Variants in ZW10 observed in about 807,000 individuals in gnomAD.
ZW10 encodes the protein zw10 kinetochore protein.
ZW10 carries 53 observed loss-of-function variants against 87.8 expected under a neutral mutation model. That is an observed-to-expected ratio of 0.60 (90% CI 0.48 to 0.76). The LOEUF is 0.76. Among genes scored for constraint, ZW10 ranks in the 30% least tolerant of loss-of-function variants. ZW10 has a pLI of 0.00. For missense variants in ZW10, 837 were observed against 923.0 expected, an observed-to-expected ratio of 0.91 and a Z score of 1.21; for synonymous variants, 312 against 329.2, an observed-to-expected ratio of 0.95 and a Z score of 0.57.
Position 113,751,516 on chromosome 11 carries a change from T to C in ZW10, c.926-3096A>G, listed in dbSNP as rs545552199. ...CAGCAAGATATGAAAAAATTAATTT[T>C]TATTACAATGAATAGTGTTTTAGTT... is the stretch of plus-strand genomic sequence containing the variant. On this transcript the variant is annotated intron_variant, in intron 7 of 15. Coordinates refer to ENST00000200135, the MANE Select transcript of ZW10 (RefSeq NM_004724.4). 5.3e-5 allele frequency among the ~76,000 whole-genome samples: 8 copies of C among 152,312 alleles called. No homozygotes were observed. The South Asian group carries it at 6.2e-4, about 12-fold the overall frequency.
chr11:113,751,733 C>T (rs901905750), intron 7 of ZW10, among the ~76,000 whole-genome samples: 1 of 152,064 alleles, frequency 6.6e-6, no homozygotes, highest in Non-Finnish European at 1.5e-5. Flanking sequence ...ATTAGCCGGA[C>T]GTGGTGGCAT....
chr11:113,772,537 G>A (rs1439762497), intron 1 of ZW10, among the ~76,000 whole-genome samples: 1 of 152,158 alleles, frequency 6.6e-6, no homozygotes, highest in Non-Finnish European at 1.5e-5. Context: ...ACAAATACTG[G>A]CAAGGTAACA....
At chr11:113,745,703 T>C (rs923075802) in intron 9 of ZW10, among the ~76,000 whole-genome samples, 3 of 152,208 alleles carry the variant, frequency 2.0e-5, no homozygotes, top group African/African-American at 7.2e-5. Flanking sequence ...GGAAGAATGT[T>C]AGACCTAGTA....
chr11:113,748,453 GA>G (rs1565282992), intron 7 of ZW10, 33 bp from the exon 8 acceptor site: 1 of 1,546,876 alleles, frequency 6.5e-7, no homozygotes, highest in East Asian at 2.3e-5. Flanking sequence ...TTTTAAACAA[GA>G]AACCATTCGC....
At chr11:113,763,871 C>T (rs1334077967) in intron 2 of ZW10, among the ~76,000 whole-genome samples, 2 of 152,084 alleles carry the variant, frequency 1.3e-5, no homozygotes, top group Non-Finnish European at 2.9e-5. Context: ...TAATTAGATC[C>T]CATTTGTCAA....
intron 7 of ZW10, among the ~76,000 whole-genome samples, chr11:113,757,183 G>A (rs535615910): frequency 1.2e-3 from 178 of 151,510 alleles, no homozygotes; most frequent in African/African-American, 4.1e-3. Flanking sequence ...CATGATTTAT[G>A]GAATACAGAA....
intron 10 of ZW10, among the ~76,000 whole-genome samples, 157 bp from the exon 11 acceptor site, chr11:113,741,922 T>C (rs1228506687): frequency 1.3e-5 from 2 of 152,238 alleles, no homozygotes; most frequent in Non-Finnish European, 2.9e-5. Context: ...TTAATCTAGA[T>C]GGAAATATAG....
At chr11:113,759,426 T>C (rs1249342005) in intron 5 of ZW10, among the ~76,000 whole-genome samples, 1 of 152,136 alleles carries the variant, frequency 6.6e-6, no homozygotes, top group Non-Finnish European at 1.5e-5. Flanking sequence ...CACACATATG[T>C]ATATAATGAA....
chr11:113,740,142 T>C (rs1313738496), intron 11 of ZW10, among the ~76,000 whole-genome samples: 1 of 151,948 alleles, frequency 6.6e-6, no homozygotes, highest in Admixed American at 6.6e-5. Flanking sequence ...ATAACTAAGA[T>C]AGTCCTCTTT....
intron 2 of ZW10, among the ~76,000 whole-genome samples, chr11:113,764,836 T>C (rs1311861569): frequency 6.6e-6 from 1 of 152,244 alleles, no homozygotes. Flanking sequence ...AACTATTCTC[T>C]ACTGATTTTC....
At chr11:113,736,243 C>T (rs1319013763) in intron 15 of ZW10, among the ~76,000 whole-genome samples, 1 of 151,934 alleles carries the variant, frequency 6.6e-6, no homozygotes, top group East Asian at 1.9e-4. Context: ...CCACTGCACT[C>T]CAACCTGGGT....
chr11:113,738,518 A>G, intron 12 of ZW10, 124 bp from the exon 13 acceptor site: 1 of 917,100 alleles, frequency 1.1e-6, no homozygotes. Context: ...ATTGCTAGAT[A>G]ATATCATAAA....
chr11:113,761,872 G>A (rs1953864012), intron 2 of ZW10, among the ~76,000 whole-genome samples: 1 of 152,056 alleles, frequency 6.6e-6, no homozygotes, highest in Admixed American at 6.6e-5. Context: ...CTCACAAACA[G>A]CTTCCTGAAA....
Position 113,743,894 on chromosome 11 carries a change from G to A in ZW10, c.1419C>T (p.Ser473=). Residue 473 remains serine (S), a synonymous_variant, in exon 10 of 16, where the codon TCC becomes TCT. Transcript: ENST00000200135. ...PENTLDQHSF[S]LPTCRISESV... ...ACTCACTGATACGGCATGTGGGCAA[G>A]GAAAAGGAATGTTGGTCCAATGTAT... 2 of 1,614,128 alleles carry A rather than the reference G, an allele frequency of 1.2e-6. No homozygotes were observed.
intron 2 of ZW10, among the ~76,000 whole-genome samples, chr11:113,766,453 G>T (rs986812019): frequency 5.5e-5 from 8 of 146,618 alleles, no homozygotes; most frequent in African/African-American, 1.8e-4. Context: ...GGTGGATCAC[G>T]AGGTCAGGAG....
At chr11:113,747,745 C>T (rs1044913159) in intron 8 of ZW10, 32 bp from the exon 9 acceptor site, 3 of 1,514,128 alleles carry the variant, frequency 2.0e-6, no homozygotes, top group Non-Finnish European at 9.0e-7. Context: ...AGAAAAGAAT[C>T]ATTTACATAT....
intron 7 of ZW10, among the ~76,000 whole-genome samples, chr11:113,752,099 C>A (rs902650431): frequency 1.1e-4 from 17 of 152,186 alleles, no homozygotes; most frequent in Non-Finnish European, 2.1e-4. Flanking sequence ...TGCCAATGCT[C>A]ATTAGTTGAA....
chr11:113,745,693 G>A (rs1266639171), intron 9 of ZW10, among the ~76,000 whole-genome samples: 1 of 152,028 alleles, frequency 6.6e-6, no homozygotes, highest in Non-Finnish European at 1.5e-5. Flanking sequence ...AAACTAAGAC[G>A]GAAGAATGTT....
chr11:113,737,715 T>C lies in ZW10; in HGVS notation c.1885-12A>G. 6.3e-7 allele frequency: 1 copy of C among 1,581,414 alleles called. No homozygotes were observed. The highest frequency in any genetic ancestry group is 1.1e-5 in the South Asian group (1 of 87,486). On this transcript the variant is annotated splice_polypyrimidine_tract_variant and intron_variant, in intron 13 of 15. Transcript: ENST00000200135. ...AGTTGGTGCAGTACCTGTAGAAGAA[T>C]ACAGCTATTTACGTGGAAGAAAGAT...
Sources: gnomAD v4.1 joint callset for allele counts (sites outside exome capture counted in the v4.1 genomes callset) on GRCh38, gnomAD v4.1.1 for gene constraint, MANE v1.5 for transcripts, NCBI Gene and HGNC (gene_info 2026-07-23, HGNC 2026-07-21) for gene names.